SLC9B2: variants seen among roughly 807,000 people sequenced by gnomAD.
SLC9B2 encodes sodium/hydrogen exchanger 9B2.
Under a neutral mutation model 52.2 loss-of-function variants are expected in SLC9B2, and 39 were observed. That is an observed-to-expected ratio of 0.75 (90% CI 0.58 to 0.98). The LOEUF is 0.98. SLC9B2 is among the 50% of genes least tolerant of loss of function. The pLI is 0.00. For synonymous variants in SLC9B2, 214 were observed against 227.0 expected (o/e 0.94, Z 0.51); for missense variants, 626 against 637.5 (o/e 0.98, Z 0.19).
chr4:103,072,056 G>GTTTTTTTTTTTTTTTTTTTTTTT lies in SLC9B2; in HGVS notation c.-43+4127_-43+4128insAAAAAAAAAAAAAAAAAAAAAAA, dbSNP rs779979130. The stretch of plus-strand genomic sequence containing the variant: ...CAAAATTTTCAAGTTTGGCTTTCAT[G>GTTTTTTTTTTTTTTTTTTTTTTT]TTTTTTTTTTTTTTTTTTTTGAGGT... On this transcript the variant is annotated intron_variant, in intron 1 of 11. Transcript: ENST00000394785. Among the ~76,000 whole-genome samples, 59 of 95,328 alleles carry GTTTTTTTTTTTTTTTTTTTTTTT rather than the reference G, an allele frequency of 6.2e-4. 14 individuals are homozygous for GTTTTTTTTTTTTTTTTTTTTTTT. Among genetic ancestry groups the GTTTTTTTTTTTTTTTTTTTTTTT allele is most frequent in the African/African-American group, 2.4e-3 (52 of 21,826 alleles). The allele number at this position is 95,328 out of a possible 152,430, so 62.5% of individuals were successfully genotyped here.
Position 103,028,841 on chromosome 4 carries a change from A to C in SLC9B2, c.1298T>G (p.Ile433Ser). 1 of 1,608,880 alleles carries C rather than the reference A, an allele frequency of 6.2e-7. No individual in the cohort carries two copies. The highest frequency in any genetic ancestry group is 8.5e-7 in the Non-Finnish European group (1 of 1,178,380). ...ACACACCATCAGAAATGTAGTCAAA[A>C]TTCGTATCAATACTGCAATGCCTAC... is the stretch of plus-strand genomic sequence containing the variant. ...ATVGIAVLIR[I>S]LTTFLMVCFA... The change falls in exon 11 of 12, where the codon ATT (isoleucine) becomes AGT (serine). Residue 433 changes from isoleucine (I) to serine (S), a missense_variant. Transcript: ENST00000394785.
At chr4:103,065,479 G>A (rs1296444108) in intron 3 of SLC9B2, 2 of 151,516 alleles carry the variant, frequency 1.3e-5, no homozygotes, top group Non-Finnish European at 2.9e-5. Context: ...TGTTGCACAT[G>A]GTAAATACAT....
At chr4:103,052,021 C>T (rs1362810507) in intron 4 of SLC9B2, among the ~76,000 whole-genome samples, 1 of 152,226 alleles carries the variant, frequency 6.6e-6, no homozygotes, top group Non-Finnish European at 1.5e-5. Flanking sequence ...ACAATTCATA[C>T]ATCAAGTATT....
rs929679085 is a variant in SLC9B2 at position 103,022,789 on chromosome 4, A to G, written c.*3581T>C. Reference sequence around the variant, plus strand: ...CCTTAACTTCCAATGTGATGTATTTAGATATGAGGATTTGGGAAGGCAATT... The same window carrying G: ...CCTTAACTTCCAATGTGATGTATTTGGATATGAGGATTTGGGAAGGCAATT... On this transcript the variant is annotated 3_prime_UTR_variant, in exon 12 of 12. Coordinates refer to ENST00000394785, the MANE Select transcript of SLC9B2 (RefSeq NM_178833.7). Among the ~76,000 whole-genome samples, 1 of 152,182 alleles carries G rather than the reference A, an allele frequency of 6.6e-6. No homozygotes were observed. Among genetic ancestry groups the G allele is most frequent in the Non-Finnish European group, 1.5e-5 (1 of 68,034 alleles).
At chr4:103,046,417 G>C in intron 7 of SLC9B2, among the ~76,000 whole-genome samples, 1 of 152,122 alleles carries the variant, frequency 6.6e-6, no homozygotes, top group East Asian at 1.9e-4. Context: ...TATAGGTGTT[G>C]AACAACAGTG....
In SLC9B2 at chr4:103,072,056, G is replaced by GTTTTTTT. The variant is rs779979130; in HGVS notation, c.-43+4121_-43+4127dup. On this transcript the variant is annotated intron_variant, in intron 1 of 11. Transcript: ENST00000394785. ...CAAAATTTTCAAGTTTGGCTTTCAT[G>GTTTTTTT]TTTTTTTTTTTTTTTTTTTTGAGGT... Among the ~76,000 whole-genome samples, 52 of 95,318 alleles carry GTTTTTTT rather than the reference G, an allele frequency of 5.5e-4. 6 individuals carry two copies. The highest frequency in any genetic ancestry group is 2.1e-3 in the African/African-American group (45 of 21,824). The allele number at this position is 95,318 out of a possible 152,430, so 62.5% of individuals were successfully genotyped here. A position where few individuals can be genotyped will look rare whatever the true frequency, so the allele number is the denominator to read the frequency against.
At chr4:103,052,356 C>A (rs556936974) in intron 4 of SLC9B2, among the ~76,000 whole-genome samples, 2 of 152,336 alleles carry the variant, frequency 1.3e-5, no homozygotes, top group South Asian at 2.1e-4. Context: ...CCTGCCACGG[C>A]CCGGGGCTTG....
chr4:103,019,696 A>G, downstream of SLC9B2: 1 of 985,486 alleles, frequency 1.0e-6, no homozygotes, highest in Non-Finnish European at 1.2e-6. Context: ...CAGGGTGGTG[A>G]CGCGAAAGCC....
intron 10 of SLC9B2, among the ~76,000 whole-genome samples, 165 bp from the exon 11 acceptor site, chr4:103,029,048 G>T (rs1578438021): frequency 6.6e-6 from 1 of 152,084 alleles, no homozygotes; most frequent in Admixed American, 6.5e-5. Context: ...TCAATATTAA[G>T]GATCAATCAG....
At chr4:103,026,710 T>A in intron 11 of SLC9B2, 119 bp from the exon 12 acceptor site, 1 of 889,276 alleles carries the variant, frequency 1.1e-6, no homozygotes, top group Non-Finnish European at 1.7e-6. Flanking sequence ...AAGAAAGTTG[T>A]AAGCATCAGG....
intron 11 of SLC9B2, among the ~76,000 whole-genome samples, chr4:103,027,012 G>C (rs1461121445): frequency 6.6e-6 from 1 of 152,084 alleles, no homozygotes; most frequent in Non-Finnish European, 1.5e-5. Flanking sequence ...CAAGTGCTGG[G>C]ATTACAGGTG....
At chr4:103,051,689 C>G (rs1744699829) in intron 4 of SLC9B2, among the ~76,000 whole-genome samples, 1 of 152,172 alleles carries the variant, frequency 6.6e-6, no homozygotes, top group African/African-American at 2.4e-5. Flanking sequence ...ATCTTCATTC[C>G]TGAATGTATT....
rs149919635 is a variant in SLC9B2 at position 103,066,420 on chromosome 4, G to T, written c.178C>A (p.Gln60Lys). The part of the protein sequence containing the change: ...ILLKSSEKKL[Q>K]ETPTEANHVQ... ...TGATTTGCTTCAGTTGGTGTTTCTT[G>T]TAGCTTTTTTTCACTGCTTTTCAAA... is the stretch of plus-strand genomic sequence containing the variant. Residue 60 changes from glutamine to lysine, a missense_variant, in exon 3 of 12, where the codon CAA becomes AAA. Physicochemically the swap from Gln to Lys is moderately conservative, Grantham distance 53. Transcript: ENST00000394785. The T allele has an allele frequency of 6.2e-7, 1 of 1,613,944 alleles. No individual in the cohort carries two copies. The highest frequency in any genetic ancestry group is 1.7e-5 in the Admixed American group (1 of 60,004).
chr4:103,062,210 C>G (rs934811655), intron 3 of SLC9B2, among the ~76,000 whole-genome samples: 3 of 152,164 alleles, frequency 2.0e-5, no homozygotes, highest in African/African-American at 7.2e-5. Context: ...ATCATGAGGT[C>G]AGAAGTTCGA....
At chr4:103,058,295 T>G (rs983498976) in intron 3 of SLC9B2, among the ~76,000 whole-genome samples, 12 of 152,208 alleles carry the variant, frequency 7.9e-5, no homozygotes, top group Non-Finnish European at 1.3e-4. Flanking sequence ...AGTTCTGTCT[T>G]GAATTAGACA....
intron 4 of SLC9B2, among the ~76,000 whole-genome samples, chr4:103,055,553 T>C (rs1459294302): frequency 6.6e-6 from 1 of 152,134 alleles, no homozygotes; most frequent in Non-Finnish European, 1.5e-5. Flanking sequence ...ATAATTCTAC[T>C]TCTTTTTATA....
At chr4:103,068,601 C>G (rs1168244188) in intron 1 of SLC9B2, among the ~76,000 whole-genome samples, 3 of 152,210 alleles carry the variant, frequency 2.0e-5, no homozygotes, top group Admixed American at 1.3e-4. Flanking sequence ...CTTCCAGTTG[C>G]TCCATCAGCC....
chr4:103,063,539 CCTTTAAATTTT>C (rs1223637390), intron 3 of SLC9B2, among the ~76,000 whole-genome samples: 1 of 151,976 alleles, frequency 6.6e-6, no homozygotes, highest in Admixed American at 6.6e-5. Context: ...TTTGAAATTG[CCTTTAAATTTT>C]CTTTAAAAGG....
At chr4:103,060,933 T>A (rs1745584558) in intron 3 of SLC9B2, among the ~76,000 whole-genome samples, 1 of 152,210 alleles carries the variant, frequency 6.6e-6, no homozygotes, top group Non-Finnish European at 1.5e-5. Flanking sequence ...GAGACAGGTT[T>A]AGTCAGAGGC....
Sources: gnomAD v4.1 joint callset for allele counts (sites outside exome capture counted in the v4.1 genomes callset) on GRCh38, gnomAD v4.1.1 for gene constraint, MANE v1.5 for transcripts, NCBI Gene and HGNC (gene_info 2026-07-23, HGNC 2026-07-21) for gene names.